MSI2: variants seen among roughly 807,000 people sequenced by gnomAD.
MSI2 encodes the protein RNA-binding protein Musashi homolog 2.
MSI2 carries 17 observed loss-of-function variants against 45.6 expected under a neutral mutation model. The ratio of observed to expected loss-of-function variants is 0.37; its 90% CI spans 0.26 to 0.56. The LOEUF is 0.56. MSI2 is among the 20% of genes least tolerant of loss of function. The pLI is 0.77. For synonymous variants in MSI2, 156 were observed against 158.2 expected (o/e 0.99, Z 0.11); for missense variants, 293 against 444.2 (o/e 0.66, Z 3.06).
At chr17:57,571,070 G>C (rs1008839729) in intron 7 of MSI2, among the ~76,000 whole-genome samples, 2 of 152,198 alleles carry the variant, frequency 1.3e-5, no homozygotes, top group Admixed American at 6.5e-5. Flanking sequence ...CCGCCTTGTT[G>C]ATGTATTGGG....
intron 1 of MSI2, 47 bp downstream of exon 1, chr17:57,256,851 C>G: frequency 2.2e-6 from 3 of 1,390,946 alleles, no homozygotes; most frequent in Non-Finnish European, 2.8e-6. Flanking sequence ...GCTCGCTCTC[C>G]TTGCAGCGGC....
chr17:57,680,488 A>G lies in MSI2; in HGVS notation c.*971A>G. ...GGAACGTTGGCCAAGTCAGTTACTG[A>G]GATGAAGATCGCCCAGCTGCCAGGA... On this transcript the variant is annotated 3_prime_UTR_variant, in exon 14 of 14. Transcript: ENST00000284073. The G allele has an allele frequency of 4.4e-6, 1 of 229,564 alleles. No individual in the cohort carries two copies. The highest frequency in any genetic ancestry group is 8.6e-6 in the Non-Finnish European group (1 of 115,702). 14.2% of individuals were successfully genotyped at this position (229,564 alleles called of 1,614,324 possible).
the MSI2 span, among the ~76,000 whole-genome samples, chr17:57,693,478 T>C: frequency 1.3e-5 from 2 of 152,202 alleles, no homozygotes; most frequent in Admixed American, 1.3e-4. Flanking sequence ...GATTCCTTCT[T>C]AAATTGTATC....
At chr17:57,437,455 G>A (rs1445601144) in intron 6 of MSI2, among the ~76,000 whole-genome samples, 2 of 152,196 alleles carry the variant, frequency 1.3e-5, no homozygotes, top group South Asian at 4.1e-4. Flanking sequence ...TCATTCCTGG[G>A]GATGATGGTT....
At chr17:57,519,159 A>G (rs1196430394) in intron 6 of MSI2, among the ~76,000 whole-genome samples, 1 of 152,170 alleles carries the variant, frequency 6.6e-6, no homozygotes, top group African/African-American at 2.4e-5. Context: ...CCCCAAGGGC[A>G]CACTGGTTCT....
At chr17:57,654,497 C>T (rs1911440077) in intron 11 of MSI2, among the ~76,000 whole-genome samples, 1 of 152,220 alleles carries the variant, frequency 6.6e-6, no homozygotes, top group Non-Finnish European at 1.5e-5. Flanking sequence ...GTGGCCTCTC[C>T]GTGGCAAAAG....
chr17:57,524,189 T>C (rs2086651641), intron 6 of MSI2, among the ~76,000 whole-genome samples: 1 of 152,174 alleles, frequency 6.6e-6, no homozygotes, highest in Non-Finnish European at 1.5e-5. Flanking sequence ...AAGCAGGAAC[T>C]TGCAAATCCT....
In MSI2 at chr17:57,495,548, A is replaced by AAAG. The variant is rs1555613514; in HGVS notation, c.406-34126_406-34125insGAA. Among the ~76,000 whole-genome samples the AAAG allele has an allele frequency of 4.3e-3, 631 of 145,372 alleles. 17 individuals carry two copies. Among genetic ancestry groups the AAAG allele is most frequent in the African/African-American group, 0.015 (572 of 36,988 alleles). On this transcript the variant is annotated intron_variant, in intron 6 of 13. Coordinates refer to ENST00000284073, the MANE Select transcript of MSI2 (RefSeq NM_138962.4). ...ACTCTGTCTCAAAAAAAAAAAAAAA[A>AAAG]AAAAGAAAGCTTTACTTGGCTTCTC...
chr17:57,301,622 A>C (rs1598092539), intron 5 of MSI2, among the ~76,000 whole-genome samples: 2 of 152,318 alleles, frequency 1.3e-5, no homozygotes, highest in Non-Finnish European at 1.5e-5. Flanking sequence ...GCATTCATTC[A>C]TGTTGATGCA....
At chr17:57,400,634 T>TA (rs1392842611) in intron 5 of MSI2, among the ~76,000 whole-genome samples, 5 of 152,152 alleles carry the variant, frequency 3.3e-5, no homozygotes, top group African/African-American at 1.2e-4. Flanking sequence ...AAGGGTGGAC[T>TA]AACTCCTGGC....
intron 5 of MSI2, among the ~76,000 whole-genome samples, chr17:57,311,215 G>A (rs577322450): frequency 6.6e-6 from 1 of 152,322 alleles, no homozygotes; most frequent in South Asian, 2.1e-4. Context: ...ACCTTTAGCT[G>A]TTGAGACCAG....
At chr17:57,584,763 G>A (rs571662537) in intron 7 of MSI2, among the ~76,000 whole-genome samples, 25 of 151,578 alleles carry the variant, frequency 1.6e-4, no homozygotes, top group African/African-American at 5.6e-4. Context: ...AGCCAGGTGC[G>A]ACACTCAAAG....
intron 11 of MSI2, among the ~76,000 whole-genome samples, chr17:57,661,470 C>T (rs1004345636): frequency 2.0e-5 from 3 of 152,026 alleles, no homozygotes; most frequent in Non-Finnish European, 2.9e-5. Flanking sequence ...GAGGGAGGTT[C>T]GTATTCTTCA....
intron 7 of MSI2, among the ~76,000 whole-genome samples, chr17:57,589,481 G>C (rs1304196410): frequency 6.6e-6 from 1 of 152,180 alleles, no homozygotes; most frequent in Non-Finnish European, 1.5e-5. Flanking sequence ...AGGGTTGCAG[G>C]ACAGCTGACT....
At chr17:57,616,147 A>G (rs1907667335) in intron 9 of MSI2, 63 bp downstream of exon 9, 1 of 1,308,568 alleles carries the variant, frequency 7.6e-7, no homozygotes, top group Non-Finnish European at 1.1e-6. Flanking sequence ...CTCTACTCCC[A>G]ACTGGGTCAC....
chr17:57,454,989 A>T (rs949305837), intron 6 of MSI2, among the ~76,000 whole-genome samples: 28 of 152,084 alleles, frequency 1.8e-4, no homozygotes, highest in East Asian at 5.8e-4. Context: ...CTGGAACCCT[A>T]TTCCTGCCAT....
In MSI2 at chr17:57,670,717, C is replaced by T. The variant is rs186283567; in HGVS notation, c.791-4255C>T. 1.2e-4 allele frequency among the ~76,000 whole-genome samples: 18 copies of T among 152,322 alleles called. No individual in the cohort carries two copies. In the East Asian group the frequency reaches 3.3e-3, roughly 28 times the overall value. ...TGGATAAATTGGGTTTTTTGTCAAT[C>T]ACCTCCTGATTCATATGGCAAGTGA... On this transcript the variant is annotated intron_variant, in intron 11 of 13. Coordinates refer to ENST00000284073, the MANE Select transcript of MSI2 (RefSeq NM_138962.4).
chr17:57,435,161 T>TG (rs2143415695), intron 6 of MSI2, among the ~76,000 whole-genome samples: 1 of 152,210 alleles, frequency 6.6e-6, no homozygotes, highest in South Asian at 2.1e-4. Context: ...CTACTTTTGA[T>TG]GGGGGTGGTA....
intron 5 of MSI2, among the ~76,000 whole-genome samples, chr17:57,364,356 G>A (rs1917033559): frequency 6.6e-6 from 1 of 152,290 alleles, no homozygotes; most frequent in South Asian, 2.1e-4. Context: ...CTGGAAATGC[G>A]CTTGGCTCCA....
Sources: gnomAD v4.1 joint callset for allele counts (sites outside exome capture counted in the v4.1 genomes callset) on GRCh38, gnomAD v4.1.1 for gene constraint, MANE v1.5 for transcripts, NCBI Gene and HGNC (gene_info 2026-07-23, HGNC 2026-07-21) for gene names.